The following CNBD1 variants were observed in gnomAD, a reference collection of about 807,000 sequenced individuals.
The protein encoded by CNBD1 is cyclic nucleotide binding domain containing 1, also known as cyclic nucleotide-binding domain-containing protein 1.
CNBD1 carries 71 observed loss-of-function variants against 54.4 expected under a neutral mutation model. The ratio of observed to expected loss-of-function variants is 1.30; its 90% CI spans 1.08 to 1.59. CNBD1 has a LOEUF of 1.59. Ranked by LOEUF, CNBD1 falls within the 40% of genes most tolerant of loss-of-function variation. The pLI, the probability that CNBD1 is intolerant of heterozygous loss-of-function variation, is 0.00. For synonymous variants in CNBD1, 182 were observed against 170.7 expected, an observed-to-expected ratio of 1.07 and a Z score of -0.51; for missense variants, 659 against 518.0, an observed-to-expected ratio of 1.27 and a Z score of -2.64.
intron 4 of CNBD1, among the ~76,000 whole-genome samples, chr8:87,201,990 G>A (rs966547834): frequency 2.0e-5 from 3 of 152,238 alleles, no homozygotes; most frequent in Admixed American, 2.0e-4. Flanking sequence ...TAGTTTGTTT[G>A]ATAGAAGTTC....
At chr8:87,361,627 T>G (rs1361889749) in intron 10 of CNBD1, among the ~76,000 whole-genome samples, 1 of 151,424 alleles carries the variant, frequency 6.6e-6, no homozygotes, top group African/African-American at 2.4e-5. Context: ...GTATAGATTT[T>G]GCATATACTT....
chr8:87,152,844 G>C (rs1359050533), intron 4 of CNBD1, among the ~76,000 whole-genome samples: 1 of 152,246 alleles, frequency 6.6e-6, no homozygotes, highest in South Asian at 2.1e-4. Flanking sequence ...TTTTGCTGTA[G>C]GGGAGCCATT....
At chr8:87,141,833 T>C (rs1812376024) in intron 4 of CNBD1, among the ~76,000 whole-genome samples, 1 of 152,072 alleles carries the variant, frequency 6.6e-6, no homozygotes, top group Non-Finnish European at 1.5e-5. Context: ...ATGGAAACAA[T>C]CTCTCTTAAA....
chr8:87,426,849 A>G (rs1417082925), intron 2 of CNBD1, among the ~76,000 whole-genome samples: 1 of 152,212 alleles, frequency 6.6e-6, no homozygotes, highest in Non-Finnish European at 1.5e-5. Flanking sequence ...CAGTTCCTTA[A>G]TTGATTTAAT....
chr8:87,295,180 T>G (rs1405563130), intron 8 of CNBD1, among the ~76,000 whole-genome samples: 1 of 151,852 alleles, frequency 6.6e-6, no homozygotes, highest in East Asian at 1.9e-4. Flanking sequence ...ATAACTATTA[T>G]GGCTAGAAAT....
intron 6 of CNBD1, among the ~76,000 whole-genome samples, chr8:87,276,636 C>T (rs1464608013): frequency 5.9e-5 from 9 of 151,812 alleles, no homozygotes; most frequent in African/African-American, 2.2e-4. Context: ...GACCAGTCCC[C>T]TTGCTGAGAA....
intron 2 of CNBD1, among the ~76,000 whole-genome samples, chr8:87,425,381 G>T (rs1808027301): frequency 6.6e-6 from 1 of 152,320 alleles, no homozygotes; most frequent in East Asian, 1.9e-4. Flanking sequence ...TTCCTTTGGA[G>T]GAGGAGAGGC....
At chr8:87,316,302 G>A (rs2130895058) in intron 8 of CNBD1, among the ~76,000 whole-genome samples, 1 of 151,978 alleles carries the variant, frequency 6.6e-6, no homozygotes, top group Admixed American at 6.6e-5. Context: ...TTTCTAAAAG[G>A]AACAAAAATT....
intron 4 of CNBD1, among the ~76,000 whole-genome samples, chr8:86,993,618 T>C (rs1233933021): frequency 1.3e-5 from 2 of 152,334 alleles, no homozygotes; most frequent in South Asian, 2.1e-4. Flanking sequence ...TTGAGTAGAC[T>C]CAATTGCTTC....
At chr8:86,900,397 A>G (rs919567678) in intron 2 of CNBD1, among the ~76,000 whole-genome samples, 4 of 152,186 alleles carry the variant, frequency 2.6e-5, no homozygotes, top group Non-Finnish European at 4.4e-5. Context: ...CGCATTTAAC[A>G]TGACAGGCAT....
At chr8:87,376,973 A>G (rs1008132761) in intron 10 of CNBD1, among the ~76,000 whole-genome samples, 5 of 147,424 alleles carry the variant, frequency 3.4e-5, no homozygotes, top group East Asian at 1.9e-4. Flanking sequence ...ATTCTGGCTC[A>G]TATACAATAC....
intron 4 of CNBD1, among the ~76,000 whole-genome samples, chr8:87,006,421 G>A (rs1427192734): frequency 6.6e-6 from 1 of 152,156 alleles, no homozygotes; most frequent in Non-Finnish European, 1.5e-5. Flanking sequence ...AAGTACCTGA[G>A]ACTGGGTAAT....
At position 87,345,104 on chromosome 8, in the gene CNBD1, G is replaced by A. The variant is rs953904983; in HGVS notation, c.1043-6581G>A. On this transcript the variant is annotated intron_variant, in intron 8 of 10. Transcript: ENST00000518476. The stretch of plus-strand genomic sequence containing the variant: ...GCTCTAACAAACTCTGTGACACAAA[G>A]TCATTTAACTACTTCAGCTAAAATA... Among the ~76,000 whole-genome samples, 4 of 152,228 alleles carry A rather than the reference G, an allele frequency of 2.6e-5. No individual in the cohort carries two copies. The South Asian group carries it at 8.3e-4, about 32-fold the overall frequency.
Position 86,901,421 on chromosome 8 carries a change from G to C in CNBD1, c.159-3660G>C, listed in dbSNP as rs79228033. Among the ~76,000 whole-genome samples, 3 of 151,668 alleles carry C rather than the reference G, an allele frequency of 2.0e-5. No individual in the cohort carries two copies. The South Asian group carries it at 6.2e-4, about 32-fold the overall frequency. On this transcript the variant is annotated intron_variant, in intron 2 of 10. Transcript: ENST00000518476. Reference sequence around the variant, plus strand: ...TAAAATAAAAAATGTGAATTGCCTCGGGCAAACACATAAATATAATTAATC... The same window carrying C: ...TAAAATAAAAAATGTGAATTGCCTCCGGCAAACACATAAATATAATTAATC...
At chr8:87,068,255 C>G (rs188085133) in intron 4 of CNBD1, among the ~76,000 whole-genome samples, 1 of 152,050 alleles carries the variant, frequency 6.6e-6, no homozygotes, top group Non-Finnish European at 1.5e-5. Flanking sequence ...CACTTGCACA[C>G]AGAGAGACAC....
At chr8:87,258,409 T>G (rs1363243582) in intron 6 of CNBD1, among the ~76,000 whole-genome samples, 2 of 136,492 alleles carry the variant, frequency 1.5e-5, no homozygotes, top group South Asian at 2.4e-4. Flanking sequence ...CAAACAAAAA[T>G]TTTTCTTTTT....
At chr8:86,951,026 CT>C (rs1807604686) in intron 4 of CNBD1, among the ~76,000 whole-genome samples, 1 of 152,054 alleles carries the variant, frequency 6.6e-6, no homozygotes, top group African/African-American at 2.4e-5. Flanking sequence ...GCAATGTTCC[CT>C]TTTTCATCCC....
At chr8:86,980,867 T>A (rs1399140495) in intron 4 of CNBD1, among the ~76,000 whole-genome samples, 1 of 152,164 alleles carries the variant, frequency 6.6e-6, no homozygotes, top group Non-Finnish European at 1.5e-5. Flanking sequence ...GAGCACAAAC[T>A]TAGGATATTC....
Position 87,163,002 on chromosome 8 carries a change from TTCCTG to T in CNBD1, c.432-42986_432-42982del, listed in dbSNP as rs1251859437. Among the ~76,000 whole-genome samples, 1 of 152,012 alleles carries T rather than the reference TTCCTG, an allele frequency of 6.6e-6. No individual in the cohort carries two copies. The highest frequency in any genetic ancestry group is 6.6e-5 in the Admixed American group (1 of 15,236). ...TTTCTGCACCATGTGGGGCCCAGCA[TTCCTG>T]TCCTCCAAAAGATGTAGCTTTCAAA... is the stretch of plus-strand genomic sequence containing the variant. On this transcript the variant is annotated intron_variant, in intron 4 of 10. Transcript: ENST00000518476. The surrounding 1 kb of genome is among the most constrained non-coding windows in gnomAD (Gnocchi z 4.5).
Sources: allele counts gnomAD v4.1 joint callset (sites outside exome capture counted in the v4.1 genomes callset), GRCh38; gene constraint gnomAD v4.1.1; non-coding constraint Gnocchi (gnomAD v3.1); transcripts MANE v1.5; gene names NCBI Gene and HGNC (gene_info 2026-07-23, HGNC 2026-07-21).